Variants in SCAF4 observed in about 807,000 individuals in gnomAD.
SCAF4 encodes the protein SR-related CTD associated factor 4.
SCAF4 carries 25 observed loss-of-function variants against 129.8 expected under a neutral mutation model. The ratio of observed to expected loss-of-function variants is 0.19; its 90% CI spans 0.14 to 0.27. The LOEUF (loss-of-function observed/expected upper bound fraction) is 0.27, where lower values mean the gene tolerates loss of function less well. SCAF4 is among the 10% of genes least tolerant of loss of function. The pLI, the probability that SCAF4 is intolerant of heterozygous loss-of-function variation, is 1.00. For missense variants in SCAF4, 1,246 were observed against 1,457.1 expected, an observed-to-expected ratio of 0.86 and a Z score of 2.36; for synonymous variants, 551 against 497.7, an observed-to-expected ratio of 1.11 and a Z score of -1.43.
At chr21:31,677,317 C>T (rs541797173) in intron 19 of SCAF4, among the ~76,000 whole-genome samples, 1 of 152,264 alleles carries the variant, frequency 6.6e-6, no homozygotes, top group East Asian at 1.9e-4. Flanking sequence ...CTCTACTGGG[C>T]TTCCCAATCA....
At chr21:31,725,879 C>T (rs77865826) in intron 1 of SCAF4, among the ~76,000 whole-genome samples, 1,713 of 152,036 alleles carry the variant, frequency 0.011, 33 homozygotes, top group African/African-American at 0.039. Context: ...GTTTTAGAAA[C>T]GTTACTTTTC....
At chr21:31,691,013 G>A (rs2050247906) in intron 14 of SCAF4, 60 bp from the exon 15 acceptor site, 3 of 1,421,604 alleles carry the variant, frequency 2.1e-6, no homozygotes, top group Non-Finnish European at 2.9e-6. Context: ...AGTCTTGAGG[G>A]TATTATTCTC....
At chr21:31,712,620 C>T (rs2050830600) in intron 1 of SCAF4, among the ~76,000 whole-genome samples, 1 of 151,180 alleles carries the variant, frequency 6.6e-6, no homozygotes, top group South Asian at 2.1e-4. Flanking sequence ...CCTCCGCCTC[C>T]CCGGTTTAAG....
At chr21:31,710,544 G>A (rs549624265) in intron 1 of SCAF4, among the ~76,000 whole-genome samples, 29 of 152,052 alleles carry the variant, frequency 1.9e-4, no homozygotes, top group Non-Finnish European at 3.7e-4. Flanking sequence ...CCGAGACTCC[G>A]TCTCCAAAAA....
intron 1 of SCAF4, among the ~76,000 whole-genome samples, chr21:31,727,609 T>C (rs781470926): frequency 6.6e-6 from 1 of 151,798 alleles, no homozygotes; most frequent in Non-Finnish European, 1.5e-5. Context: ...CTGGCCAACA[T>C]GGTGAAACCC....
chr21:31,698,443 T>C (rs751715241), intron 7 of SCAF4, among the ~76,000 whole-genome samples: 19 of 152,226 alleles, frequency 1.2e-4, no homozygotes, highest in Non-Finnish European at 2.1e-4. Context: ...AGGAATTCTA[T>C]ACACTGACAT....
intron 19 of SCAF4, among the ~76,000 whole-genome samples, chr21:31,683,531 A>G (rs1028794686): frequency 6.6e-6 from 1 of 152,196 alleles, no homozygotes; most frequent in Admixed American, 6.5e-5. Context: ...CTTTTCACTC[A>G]TTCAATAAAT....
chr21:31,671,659 C>T lies in SCAF4; in HGVS notation c.3184G>A (p.Asp1062Asn), dbSNP rs1017713649. 2.5e-6 allele frequency: 4 copies of T among 1,613,222 alleles called. No individual in the cohort carries two copies. The highest frequency in any genetic ancestry group is 1.7e-5 in the Admixed American group (1 of 60,018). The change falls in exon 20 of 20, where the codon GAT becomes AAT. Residue 1062 changes from aspartate (D) to asparagine (N), a missense_variant. By Grantham distance (23) the Asp-to-Asn change is conservative. Around this residue, in one of 6 missense-constraint regions of SCAF4, gnomAD observed 339 missense variants for 325.0 expected, o/e 1.04. Transcript: ENST00000286835. ...CTACGAGACTCTCTATCTCTAGAATCTCTCTCTCTGTCTCGATGCCCACTA... is the reference window on the plus strand; with the variant it reads ...CTACGAGACTCTCTATCTCTAGAATTTCTCTCTCTGTCTCGATGCCCACTA... ...RSSGHRDRER[D>N]SRDRESRREK...
intron 1 of SCAF4, among the ~76,000 whole-genome samples, chr21:31,718,682 T>C (rs982314645): frequency 1.3e-5 from 2 of 152,218 alleles, no homozygotes; most frequent in Non-Finnish European, 2.9e-5. Context: ...AATGTAAACA[T>C]TACAAAACAG....
intron 15 of SCAF4, among the ~76,000 whole-genome samples, chr21:31,690,488 A>C (rs948739178): frequency 6.6e-6 from 1 of 152,178 alleles, no homozygotes; most frequent in African/African-American, 2.4e-5. Flanking sequence ...CTCAAAAAAT[A>C]AATAAAAAAA....
Position 31,694,262 on chromosome 21 carries a change from G to C in SCAF4, c.1264C>G (p.Gln422Glu), listed in dbSNP as rs200492999. 1.7e-5 allele frequency: 27 copies of C among 1,606,054 alleles called. No individual in the cohort carries two copies. In the East Asian group the frequency reaches 4.7e-4, roughly 28 times the overall value. Residue 422 changes from glutamine (Q) to glutamate (E), a missense_variant, in exon 11 of 20, where the codon CAA (glutamine) becomes GAA (glutamate). Coordinates refer to ENST00000286835, the MANE Select transcript of SCAF4 (RefSeq NM_020706.2). ...QEMEVEQPCI[Q>E]EVKRHMSDNR... ...TCAGACATATGTCGCTTAACCTCTT[G>C]AATACAAGGTTGTTCTACTTCCATT...
intron 1 of SCAF4, among the ~76,000 whole-genome samples, chr21:31,715,326 G>A (rs978131509): frequency 2.6e-5 from 4 of 151,092 alleles, no homozygotes; most frequent in African/African-American, 4.9e-5. Flanking sequence ...TGATTACACC[G>A]GGCCCACCCA....
chr21:31,720,410 A>C (rs1312259641), intron 1 of SCAF4, among the ~76,000 whole-genome samples: 1 of 152,180 alleles, frequency 6.6e-6, no homozygotes, highest in African/African-American at 2.4e-5. Flanking sequence ...AACTGTGACA[A>C]GTCCTTCCAA....
rs745841362 is a variant in SCAF4, at chr21:31,706,244, A to G, written c.114+30T>C. Reference sequence around the variant, plus strand: ...TAAATATTTTCAAAATTTCAAAAAGATTTCTCAAATTGCTTTATTTTATCA... The same window carrying G: ...TAAATATTTTCAAAATTTCAAAAAGGTTTCTCAAATTGCTTTATTTTATCA... On this transcript the variant is annotated intron_variant, in intron 2 of 19. Coordinates refer to ENST00000286835, the MANE Select transcript of SCAF4 (RefSeq NM_020706.2). 1.9e-5 allele frequency: 26 copies of G among 1,401,752 alleles called. No homozygotes were observed. The South Asian group carries it at 2.6e-4, about 14-fold the overall frequency. The allele number at this position is 1,401,752 out of a possible 1,614,324, so 86.8% of individuals were successfully genotyped here. A position where few individuals can be genotyped will look rare whatever the true frequency, so the allele number is the denominator to read the frequency against.
At chr21:31,709,191 TG>T (rs1341860246) in intron 1 of SCAF4, among the ~76,000 whole-genome samples, 3 of 151,516 alleles carry the variant, frequency 2.0e-5, no homozygotes, top group Admixed American at 1.3e-4. Context: ...ACTGTGGGGG[TG>T]GGGGGGAGCG....
intron 1 of SCAF4, among the ~76,000 whole-genome samples, chr21:31,724,868 T>C (rs2123690135): frequency 6.6e-6 from 1 of 152,324 alleles, no homozygotes; most frequent in East Asian, 1.9e-4. Context: ...TCATGTAATT[T>C]TTTCTGAAAC....
chr21:31,691,803 A>G lies in SCAF4; in HGVS notation c.1728+14T>C. ...ATTTAAAAAAAAAATTAATTATAACATGTAAGACTGTACCTTTATGGATTT... is the reference window on the plus strand; with the variant it reads ...ATTTAAAAAAAAAATTAATTATAACGTGTAAGACTGTACCTTTATGGATTT... On this transcript the variant is annotated intron_variant, in intron 14 of 19. Transcript: ENST00000286835. 1 of 1,456,542 alleles carries G rather than the reference A, an allele frequency of 6.9e-7. No individual in the cohort carries two copies. The highest frequency in any genetic ancestry group is 9.4e-7 in the Non-Finnish European group (1 of 1,058,414). 90.2% of individuals were successfully genotyped at this position (1,456,542 alleles called of 1,614,324 possible).
chr21:31,695,570 G>C (rs960234201), intron 9 of SCAF4, among the ~76,000 whole-genome samples: 3 of 152,056 alleles, frequency 2.0e-5, no homozygotes, highest in African/African-American at 4.8e-5. Flanking sequence ...TGAACTTTCA[G>C]TAATTGTTAA....
intron 16 of SCAF4, among the ~76,000 whole-genome samples, chr21:31,686,156 T>C (rs1457808500): frequency 3.4e-5 from 5 of 147,662 alleles, no homozygotes; most frequent in African/African-American, 7.6e-5. Flanking sequence ...TGAGCCGAGA[T>C]TGCACCACTG....
Sources: allele counts gnomAD v4.1 joint callset (sites outside exome capture counted in the v4.1 genomes callset), GRCh38; gene constraint gnomAD v4.1.1; regional missense constraint gnomAD v4.1.1; transcripts MANE v1.5; gene names NCBI Gene and HGNC (gene_info 2026-07-23, HGNC 2026-07-21).